Variants in ASXL1 observed in about 807,000 individuals in gnomAD.
ASXL1 encodes the protein polycomb group protein ASXL1.
Under a neutral mutation model 89.1 loss-of-function variants are expected in ASXL1, and 65 were observed. The observed-to-expected ratio is 0.73, with a 90% CI of 0.60 to 0.90. ASXL1 has a LOEUF of 0.90. Ranked by LOEUF, ASXL1 falls within the 40% of genes least tolerant of loss-of-function variation. ASXL1 has a pLI of 0.00. For synonymous variants in ASXL1, 739 were observed against 746.9 expected (o/e 0.99, Z 0.17); for missense variants, 1,786 against 1,942.9 (o/e 0.92, Z 1.52).
At chr20:32,379,780 C>T (rs933118957) in intron 4 of ASXL1, among the ~76,000 whole-genome samples, 7 of 151,036 alleles carry the variant, frequency 4.6e-5, no homozygotes, top group African/African-American at 1.2e-4. Flanking sequence ...GAGCTGAGAT[C>T]GTGCCATTGC....
At chr20:32,394,376 G>A (rs1259952731) in intron 4 of ASXL1, among the ~76,000 whole-genome samples, 2 of 152,020 alleles carry the variant, frequency 1.3e-5, no homozygotes, top group Non-Finnish European at 2.9e-5. Context: ...GACCTCAAGT[G>A]ATCCCTGCCC....
chr20:32,383,360 G>A (rs574056055), intron 4 of ASXL1, among the ~76,000 whole-genome samples: 5 of 151,770 alleles, frequency 3.3e-5, no homozygotes, highest in Admixed American at 1.3e-4. Context: ...AGGCTAGAGT[G>A]CAGTGGCGCG....
At position 32,428,236 on chromosome 20, in the gene ASXL1, G is replaced by A. The variant is rs2011390242; in HGVS notation, c.361G>A (p.Gly121Ser). Residue 121 changes from glycine (G) to serine (S), a missense_variant, in exon 5 of 13, where the codon GGT becomes AGT. Physicochemically the swap from Gly to Ser is moderately conservative, Grantham distance 56 (BLOSUM62 0). Around this residue, in one of 3 missense-constraint regions of ASXL1, gnomAD observed 332 missense variants for 449.7 expected, o/e 0.74. Coordinates refer to ENST00000375687, the MANE Select transcript of ASXL1 (RefSeq NM_015338.6). The part of the protein sequence containing the change: ...CGSNEASTVS[G>S]ENDVSLDETS... ...GTCTAATGAAGCCAGCACTGTGAGT[G>A]GTGAAAACGATGGTAAGGACCCTTT... 1 of 1,614,038 alleles carries A rather than the reference G, an allele frequency of 6.2e-7. No homozygotes were observed. The highest frequency in any genetic ancestry group is 1.3e-5 in the African/African-American group (1 of 74,916).
chr20:32,375,342 G>C (rs187786939), intron 4 of ASXL1, among the ~76,000 whole-genome samples: 2 of 151,826 alleles, frequency 1.3e-5, no homozygotes, highest in South Asian at 2.1e-4. Flanking sequence ...CCAGCTACTC[G>C]GGAGGCTGAG....
chr20:32,388,375 C>T (rs1032957366), intron 4 of ASXL1, among the ~76,000 whole-genome samples: 1 of 152,070 alleles, frequency 6.6e-6, no homozygotes, highest in African/African-American at 2.4e-5. Flanking sequence ...GGAGTTTCAC[C>T]ATGTTGGCCA....
intron 4 of ASXL1, among the ~76,000 whole-genome samples, chr20:32,425,452 G>C (rs1305912188): frequency 8.5e-5 from 13 of 152,134 alleles, no homozygotes. Context: ...GCTTGGATCT[G>C]TTTTCAGTGT....
At chr20:32,366,275 T>G in intron 1 of ASXL1, 109 bp from the exon 2 acceptor site, 1 of 950,990 alleles carries the variant, frequency 1.1e-6, no homozygotes, top group Non-Finnish European at 1.7e-6. Flanking sequence ...GTGGAAAAAC[T>G]AAGTTGTCAC....
At chr20:32,396,959 A>T (rs1279817155) in intron 4 of ASXL1, among the ~76,000 whole-genome samples, 3 of 151,542 alleles carry the variant, frequency 2.0e-5, no homozygotes, top group African/African-American at 7.3e-5. Context: ...AAAATACACT[A>T]ATGATAGCTG....
chr20:32,403,751 G>A (rs2048912476), intron 4 of ASXL1, among the ~76,000 whole-genome samples: 1 of 152,158 alleles, frequency 6.6e-6, no homozygotes, highest in African/African-American at 2.4e-5. Flanking sequence ...CTACAATAAA[G>A]TTTTGGTGGA....
chr20:32,389,364 G>GT (rs1174183486), intron 4 of ASXL1, among the ~76,000 whole-genome samples: 4 of 152,092 alleles, frequency 2.6e-5, no homozygotes, highest in Non-Finnish European at 5.9e-5. Flanking sequence ...TTCTTAGCAT[G>GT]TATTTGGGTT....
chr20:32,404,732 G>A (rs1255565057), intron 4 of ASXL1, among the ~76,000 whole-genome samples: 1 of 152,116 alleles, frequency 6.6e-6, no homozygotes, highest in East Asian at 1.9e-4. Flanking sequence ...CAGATAGAAA[G>A]CCTTTAGTCT....
At chr20:32,367,638 A>G in intron 2 of ASXL1, 89 bp from the exon 3 acceptor site, 1 of 774,904 alleles carries the variant, frequency 1.3e-6, no homozygotes, top group Non-Finnish European at 2.4e-6. Context: ...TCCACTGTGT[A>G]GTGTTATAAT....
At chr20:32,409,264 T>C (rs1328418310) in intron 4 of ASXL1, among the ~76,000 whole-genome samples, 2 of 152,222 alleles carry the variant, frequency 1.3e-5, no homozygotes, top group East Asian at 1.9e-4. Flanking sequence ...TGAGCCACCA[T>C]GCCCAGCCTC....
intron 1 of ASXL1, among the ~76,000 whole-genome samples, chr20:32,365,986 G>A (rs1202909055): frequency 6.6e-6 from 1 of 152,068 alleles, no homozygotes; most frequent in African/African-American, 2.4e-5. Context: ...TAGTGTGTGT[G>A]TGTATATATA....
intron 4 of ASXL1, among the ~76,000 whole-genome samples, chr20:32,418,455 A>C (rs1474465918): frequency 3.9e-5 from 6 of 152,228 alleles, no homozygotes; most frequent in Non-Finnish European, 5.9e-5. Context: ...ATTGGGATTT[A>C]ATTCATAGAC....
At chr20:32,418,333 G>A (rs1055988365) in intron 4 of ASXL1, among the ~76,000 whole-genome samples, 26 of 152,062 alleles carry the variant, frequency 1.7e-4, no homozygotes, top group African/African-American at 6.3e-4. Flanking sequence ...TGATAGCACC[G>A]TGGCACTTTA....
At chr20:32,386,789 C>CTTTT (rs11445027) in intron 4 of ASXL1, among the ~76,000 whole-genome samples, 7 of 129,644 alleles carry the variant, frequency 5.4e-5, no homozygotes, top group African/African-American at 1.2e-4. Flanking sequence ...CTCTCTCTCT[C>CTTTT]TTTTTTTTTT....
chr20:32,395,152 C>CT (rs1353163036), intron 4 of ASXL1, among the ~76,000 whole-genome samples: 3 of 152,184 alleles, frequency 2.0e-5, no homozygotes, highest in African/African-American at 4.8e-5. Flanking sequence ...TTCAGATTTT[C>CT]TTTCTGCCAG....
chr20:32,399,327 T>C (rs775707217), intron 4 of ASXL1, among the ~76,000 whole-genome samples: 3 of 152,120 alleles, frequency 2.0e-5, no homozygotes, highest in Non-Finnish European at 1.5e-5. Context: ...GCTATCTTTG[T>C]TCTGTATTTT....
Sources: gnomAD v4.1 joint callset for allele counts (sites outside exome capture counted in the v4.1 genomes callset) on GRCh38, gnomAD v4.1.1 for gene constraint, gnomAD v4.1.1 regional missense constraint, MANE v1.5 for transcripts, NCBI Gene and HGNC (gene_info 2026-07-23, HGNC 2026-07-21) for gene names.